SPON1: variants seen among roughly 807,000 people sequenced by gnomAD.
SPON1 encodes the protein spondin 1, also known as spondin-1.
SPON1 carries 52 observed loss-of-function variants against 111.7 expected under a neutral mutation model. The ratio of observed to expected loss-of-function variants is 0.47; its 90% CI spans 0.37 to 0.59. The LOEUF is 0.59. Among genes scored for constraint, SPON1 ranks in the 20% least tolerant of loss-of-function variants. The pLI is 0.00. For missense variants in SPON1, 957 were observed against 1,068.5 expected (o/e 0.90, Z 1.46); for synonymous variants, 410 against 395.8 (o/e 1.04, Z -0.43).
At chr11:13,982,678 G>T (rs1264139412) in intron 1 of SPON1, among the ~76,000 whole-genome samples, 169 bp from the exon 2 acceptor site, 1 of 152,214 alleles carries the variant, frequency 6.6e-6, no homozygotes, top group Non-Finnish European at 1.5e-5. Flanking sequence ...AGGGAGCTGG[G>T]TGAAGAGGGT....
At chr11:14,179,038 A>C (rs568143195) in intron 6 of SPON1, among the ~76,000 whole-genome samples, 1 of 136,894 alleles carries the variant, frequency 7.3e-6, no homozygotes, top group South Asian at 2.5e-4. Context: ...CCTTAAACAA[A>C]AGAATACCTG....
chr11:14,158,057 T>C (rs1554930564), intron 6 of SPON1, among the ~76,000 whole-genome samples: 1 of 152,128 alleles, frequency 6.6e-6, no homozygotes, highest in East Asian at 1.9e-4. Flanking sequence ...GCCAGACATG[T>C]GTATGATAAA....
intron 4 of SPON1, 45 bp from the exon 5 acceptor site, chr11:14,079,854 A>G (rs782056682): frequency 6.2e-7 from 1 of 1,612,392 alleles, no homozygotes; most frequent in South Asian, 1.1e-5. Flanking sequence ...CTTATATACA[A>G]CCCACGTTTA....
At chr11:14,220,324 A>C (rs1211128036) in intron 6 of SPON1, among the ~76,000 whole-genome samples, 1 of 152,164 alleles carries the variant, frequency 6.6e-6, no homozygotes, top group African/African-American at 2.4e-5. Flanking sequence ...TTCAGTAAAC[A>C]TCCTAGGTAA....
intron 3 of SPON1, among the ~76,000 whole-genome samples, chr11:14,065,157 A>G (rs1848822366): frequency 6.6e-6 from 1 of 152,158 alleles, no homozygotes; most frequent in Non-Finnish European, 1.5e-5. Context: ...TTTCCACAGC[A>G]GAAAACCTGA....
intron 6 of SPON1, among the ~76,000 whole-genome samples, chr11:14,161,521 G>A (rs1450161586): frequency 7.3e-5 from 11 of 151,210 alleles, no homozygotes; most frequent in African/African-American, 2.7e-4. Context: ...CTTTCCGCGT[G>A]TTGTCCAGGC....
chr11:14,108,030 G>A (rs934675833), intron 5 of SPON1, among the ~76,000 whole-genome samples: 1 of 152,026 alleles, frequency 6.6e-6, no homozygotes, highest in Admixed American at 6.6e-5. Flanking sequence ...TTTTAAAGAC[G>A]ACCTAGGTTC....
intron 2 of SPON1, among the ~76,000 whole-genome samples, chr11:14,016,303 G>A (rs1554914279): frequency 6.6e-6 from 1 of 152,206 alleles, no homozygotes; most frequent in African/African-American, 2.4e-5. Flanking sequence ...AGGCTAAGTG[G>A]CTTACAAAAC....
chr11:14,041,949 T>C (rs1554917337), intron 3 of SPON1, among the ~76,000 whole-genome samples: 1 of 152,150 alleles, frequency 6.6e-6, no homozygotes, highest in African/African-American at 2.4e-5. Context: ...GAAGATAATC[T>C]TTGACTTTTT....
intron 3 of SPON1, among the ~76,000 whole-genome samples, chr11:14,051,942 C>G (rs781857947): frequency 6.6e-6 from 1 of 152,128 alleles, no homozygotes; most frequent in African/African-American, 2.4e-5. Flanking sequence ...GATGTTTAGA[C>G]AGTTGATGTA....
At chr11:14,107,283 G>A (rs1399209312) in intron 5 of SPON1, among the ~76,000 whole-genome samples, 2 of 152,152 alleles carry the variant, frequency 1.3e-5, no homozygotes, top group African/African-American at 4.8e-5. Context: ...GGAAAACCAA[G>A]AGGAAGAAGA....
At chr11:14,152,107 T>C (rs1429641417) in intron 6 of SPON1, among the ~76,000 whole-genome samples, 1 of 152,224 alleles carries the variant, frequency 6.6e-6, no homozygotes, top group Non-Finnish European at 1.5e-5. Flanking sequence ...CAGTCTGAGC[T>C]GGGGTGTAGT....
intron 2 of SPON1, among the ~76,000 whole-genome samples, chr11:14,003,096 A>G (rs1347274393): frequency 2.6e-5 from 4 of 152,162 alleles, no homozygotes; most frequent in African/African-American, 2.4e-5. Flanking sequence ...CATCTTGCAC[A>G]CATTCCTCAG....
intron 6 of SPON1, among the ~76,000 whole-genome samples, chr11:14,233,564 G>T (rs558177023): frequency 6.6e-6 from 1 of 152,072 alleles, no homozygotes; most frequent in African/African-American, 2.4e-5. Flanking sequence ...TTAACTAATT[G>T]TTTAATTAAC....
chr11:14,169,602 G>A (rs1312138919), intron 6 of SPON1, among the ~76,000 whole-genome samples: 1 of 151,374 alleles, frequency 6.6e-6, no homozygotes, highest in Non-Finnish European at 1.5e-5. Flanking sequence ...GTATTGCCTA[G>A]GTTTTCTTCT....
In SPON1 at chr11:14,135,565, A is replaced by T. The variant is rs1847582148; in HGVS notation, c.822A>T (p.Gln274His). The T allele has an allele frequency of 6.2e-7, 1 of 1,612,378 alleles. No homozygotes were observed. The highest frequency in any genetic ancestry group is 1.3e-5 in the African/African-American group (1 of 74,894). ...SPVKMEEEIRQQSDEVLTVIK... is the reference protein window; with the variant it reads ...SPVKMEEEIRHQSDEVLTVIK... ...TGAAAATGGAGGAAGAAATTCGACA[A>T]CAGGTAAGACAAAAAAATCACAGAA... Residue 274 changes from glutamine (Q) to histidine (H), a missense_variant, in exon 6 of 16, where the codon CAA (glutamine) becomes CAT (histidine). Physicochemically the swap from Gln to His is conservative, Grantham distance 24. This residue lies in a region of SPON1 where 122 missense variants were observed against 143.2 expected (regional missense o/e 0.85). Transcript: ENST00000576479. The surrounding 1 kb of genome is among the most constrained non-coding windows in gnomAD (Gnocchi z 4.4).
intron 2 of SPON1, among the ~76,000 whole-genome samples, chr11:13,990,543 T>G (rs189744257): frequency 1.9e-4 from 29 of 152,148 alleles, no homozygotes; most frequent in Non-Finnish European, 3.8e-4. Flanking sequence ...AGTCTGTGTC[T>G]TTTAATTGGG....
At position 14,135,394 on chromosome 11, in the gene SPON1, A is replaced by AAC. The variant is rs1347872770; in HGVS notation, c.677-25_677-24dup. 15 of 1,597,976 alleles carry AAC rather than the reference A, an allele frequency of 9.4e-6. No individual in the cohort carries two copies. Among genetic ancestry groups the AAC allele is most frequent in the African/African-American group, 1.3e-5 (1 of 74,576 alleles). On this transcript the variant is annotated intron_variant, in intron 5 of 15. Transcript: ENST00000576479. This position sits in a 1 kb window ranked among gnomAD's most constrained non-coding sequence, Gnocchi z 4.4. ...GTGTTTCAGCCACAGCCATGCTGAT[A>AAC]ACTGCCTCCTGATTGGCTTTCCCAG...
intron 7 of SPON1, among the ~76,000 whole-genome samples, chr11:14,248,755 G>A (rs1433949879): frequency 2.0e-5 from 3 of 152,194 alleles, no homozygotes; most frequent in African/African-American, 7.2e-5. Context: ...AAGCCAGGGT[G>A]ACCTACTTTG....
Sources: gnomAD v4.1 joint callset for allele counts (sites outside exome capture counted in the v4.1 genomes callset) on GRCh38, gnomAD v4.1.1 for gene constraint, gnomAD v4.1.1 regional missense constraint, Gnocchi (gnomAD v3.1) non-coding constraint, MANE v1.5 for transcripts, NCBI Gene and HGNC (gene_info 2026-07-23, HGNC 2026-07-21) for gene names.